The following PPFIA2 variants were observed in gnomAD, a reference collection of about 807,000 sequenced individuals.
PPFIA2 encodes the protein liprin-alpha-2.
PPFIA2 carries 46 observed loss-of-function variants against 175.5 expected under a neutral mutation model. The ratio of observed to expected loss-of-function variants is 0.26; its 90% CI spans 0.21 to 0.34. The LOEUF is 0.34. Among genes scored for constraint, PPFIA2 ranks in the 10% least tolerant of loss-of-function variants. PPFIA2 has a pLI of 1.00. For missense variants in PPFIA2, 1,179 were observed against 1,506.1 expected (o/e 0.78, Z 3.60); for synonymous variants, 568 against 511.4 (o/e 1.11, Z -1.49).
Position 81,366,101 on chromosome 12 carries a change from C to T in PPFIA2, c.1545+1007G>A, listed in dbSNP as rs181695019. 3.6e-3 allele frequency among the ~76,000 whole-genome samples: 529 copies of T among 147,520 alleles called. 2 individuals carry two copies. The highest frequency in any genetic ancestry group is 0.012 in the African/African-American group (501 of 40,172). ...TCTTTCTTCCCCCTCTCCCTTCTTT[C>T]CTTCATTCTCTTTTTCCCTTCCTTC... On this transcript the variant is annotated intron_variant, in intron 14 of 32. Coordinates refer to ENST00000549396, the MANE Select transcript of PPFIA2 (RefSeq NM_003625.5).
chr12:81,331,123 A>T (rs898666647), intron 21 of PPFIA2, among the ~76,000 whole-genome samples: 1 of 152,244 alleles, frequency 6.6e-6, no homozygotes. Context: ...CATGCGCCAC[A>T]TAAAGACCTT....
At chr12:81,682,905 T>A (rs1398977214) in intron 3 of PPFIA2, among the ~76,000 whole-genome samples, 2 of 152,058 alleles carry the variant, frequency 1.3e-5, no homozygotes, top group African/African-American at 4.8e-5. Flanking sequence ...GACTACTCCA[T>A]CTTTATTGAA....
chr12:81,670,508 G>A (rs1379892607), intron 4 of PPFIA2, among the ~76,000 whole-genome samples: 1 of 151,848 alleles, frequency 6.6e-6, no homozygotes, highest in African/African-American at 2.4e-5. Context: ...CAAGCACACA[G>A]GTAATGACAA....
At chr12:81,687,763 A>G (rs979351704) in intron 3 of PPFIA2, among the ~76,000 whole-genome samples, 9 of 151,872 alleles carry the variant, frequency 5.9e-5, no homozygotes, top group Non-Finnish European at 1.0e-4. Context: ...AATATTTATT[A>G]TAATAATTAA....
At chr12:81,342,304 G>A (rs111868921) in intron 19 of PPFIA2, among the ~76,000 whole-genome samples, 4,412 of 152,132 alleles carry the variant, frequency 0.029, 190 homozygotes, top group Admixed American at 0.12. Flanking sequence ...GGAGAGATCA[G>A]GATTGTAGAA....
intron 5 of PPFIA2, among the ~76,000 whole-genome samples, chr12:81,450,642 A>G (rs1593183259): frequency 6.6e-6 from 1 of 152,158 alleles, no homozygotes; most frequent in Middle Eastern, 3.4e-3. Context: ...TCTTTAGTTT[A>G]ATTAGATCCC....
chr12:81,483,081 C>A (rs1409863462), intron 4 of PPFIA2, among the ~76,000 whole-genome samples: 1 of 152,078 alleles, frequency 6.6e-6, no homozygotes, highest in East Asian at 1.9e-4. Flanking sequence ...TTATGTAGAA[C>A]CCTACATTAA....
At chr12:81,628,375 C>CTTTTTT (rs1194281160) in intron 4 of PPFIA2, among the ~76,000 whole-genome samples, 1 of 127,438 alleles carries the variant, frequency 7.8e-6, no homozygotes, top group Non-Finnish European at 1.7e-5. Flanking sequence ...CTTTCTTTTA[C>CTTTTTT]CTTTTTTTTT....
chr12:81,514,930 G>C (rs1396316940), intron 4 of PPFIA2, among the ~76,000 whole-genome samples: 2 of 151,804 alleles, frequency 1.3e-5, no homozygotes, highest in Non-Finnish European at 3.0e-5. Context: ...TGGATTCTTA[G>C]AGACTTTCTT....
chr12:81,592,428 T>C (rs1236976684), intron 4 of PPFIA2, among the ~76,000 whole-genome samples: 1 of 151,506 alleles, frequency 6.6e-6, no homozygotes, highest in Non-Finnish European at 1.5e-5. Flanking sequence ...GATGGAAAAA[T>C]ATGGTTTGAT....
intron 4 of PPFIA2, among the ~76,000 whole-genome samples, chr12:81,525,926 T>C (rs534840074): frequency 1.3e-5 from 2 of 152,254 alleles, no homozygotes; most frequent in African/African-American, 4.8e-5. Flanking sequence ...ACAAAATTCT[T>C]AGAAATTTTC....
At chr12:81,488,315 C>A (rs2059061041) in intron 4 of PPFIA2, among the ~76,000 whole-genome samples, 1 of 151,404 alleles carries the variant, frequency 6.6e-6, no homozygotes, top group Non-Finnish European at 1.5e-5. Flanking sequence ...CTCTCTCTAC[C>A]ACCACAATTC....
intron 22 of PPFIA2, among the ~76,000 whole-genome samples, chr12:81,311,200 G>A (rs953655632): frequency 1.3e-5 from 2 of 152,116 alleles, no homozygotes; most frequent in African/African-American, 4.8e-5. Context: ...CAAAGAAAAG[G>A]ATTTAAAATT....
chr12:81,466,851 TA>T (rs1421299435), intron 4 of PPFIA2, among the ~76,000 whole-genome samples: 4 of 147,890 alleles, frequency 2.7e-5, no homozygotes, highest in African/African-American at 7.4e-5. Context: ...ATTCATCTAT[TA>T]AAAAATATAT....
At chr12:81,352,540 T>C (rs2060201057) in intron 17 of PPFIA2, among the ~76,000 whole-genome samples, 1 of 152,024 alleles carries the variant, frequency 6.6e-6, no homozygotes, top group South Asian at 2.1e-4. Flanking sequence ...ACCCTGCTGA[T>C]ACCTTCATCT....
At chr12:81,396,389 G>A (rs529726885) in intron 8 of PPFIA2, among the ~76,000 whole-genome samples, 1 of 152,170 alleles carries the variant, frequency 6.6e-6, no homozygotes, top group South Asian at 2.1e-4. Context: ...GTTAGAATAT[G>A]TTATGACATT....
At chr12:81,574,159 C>T (rs928952800) in intron 4 of PPFIA2, among the ~76,000 whole-genome samples, 4 of 151,860 alleles carry the variant, frequency 2.6e-5, no homozygotes, top group African/African-American at 9.7e-5. Flanking sequence ...ATAACTTTCA[C>T]ATTTCCTCTT....
At chr12:81,386,426 C>A (rs895784758) in intron 8 of PPFIA2, among the ~76,000 whole-genome samples, 1 of 151,674 alleles carries the variant, frequency 6.6e-6, no homozygotes, top group African/African-American at 2.4e-5. Context: ...GAGTTTGAGA[C>A]CTGCCTGGGC....
intron 3 of PPFIA2, 41 bp downstream of exon 3, chr12:81,753,932 T>G: frequency 6.2e-7 from 1 of 1,601,844 alleles, no homozygotes; most frequent in South Asian, 1.1e-5. Context: ...TAACAAATGT[T>G]CAATTACAAT....
Sources: gnomAD v4.1 joint callset for allele counts (sites outside exome capture counted in the v4.1 genomes callset) on GRCh38, gnomAD v4.1.1 for gene constraint, MANE v1.5 for transcripts, NCBI Gene and HGNC (gene_info 2026-07-23, HGNC 2026-07-21) for gene names.